EPSTI1: variants seen among roughly 807,000 people sequenced by gnomAD.
EPSTI1 encodes epithelial-stromal interaction protein 1.
A neutral mutation model predicts 49.9 loss-of-function variants in EPSTI1; 66 were observed. The ratio of observed to expected loss-of-function variants is 1.32; its 90% CI spans 1.08 to 1.62. EPSTI1 has a LOEUF of 1.62. EPSTI1 is among the 40% of genes most tolerant of loss of function. The probability of loss-of-function intolerance (pLI) is 0.00; values close to 1 mark genes in which losing one functional copy is unlikely to be tolerated. For missense variants in EPSTI1, 394 were observed against 365.5 expected (o/e 1.08, Z -0.64); for synonymous variants, 137 against 130.7 (o/e 1.05, Z -0.33).
chr13:42,912,845 TAAG>T (rs1347437807), intron 8 of EPSTI1, among the ~76,000 whole-genome samples: 1 of 148,250 alleles, frequency 6.7e-6, no homozygotes, highest in Non-Finnish European at 1.5e-5. Flanking sequence ...GCCAAAGGGA[TAAG>T]AAGTACAAGA....
In EPSTI1 at chr13:42,953,937, C is replaced by T; in HGVS notation, c.563+11G>A. 1.2e-6 allele frequency: 2 copies of T among 1,608,722 alleles called. No homozygotes were observed. The highest frequency in any genetic ancestry group is 2.2e-5 in the South Asian group (2 of 89,988). ...CTATAAAGGCACGAAGTTCTGAAAACATTAACTTACTATTGCTGATGCTCT... is the reference window on the plus strand; with the variant it reads ...CTATAAAGGCACGAAGTTCTGAAAATATTAACTTACTATTGCTGATGCTCT... On this transcript the variant is annotated intron_variant, in intron 6 of 10. Coordinates refer to ENST00000313624, the MANE Select transcript of EPSTI1 (RefSeq NM_033255.5).
At position 42,926,415 on chromosome 13, in the gene EPSTI1, A is replaced by C. The variant is rs1229020732; in HGVS notation, c.578T>G (p.Phe193Cys). 1 of 1,612,542 alleles carries C rather than the reference A, an allele frequency of 6.2e-7. No individual in the cohort carries two copies. ...REHQQYKTAEFLSKLNTESPD... is the reference protein window; with the variant it reads ...REHQQYKTAECLSKLNTESPD... ...CGATTCTGTGTTCAGTTTGCTCAAGAACTCAGCGGTTTTGCTACCAGAAAC... is the reference window on the plus strand; with the variant it reads ...CGATTCTGTGTTCAGTTTGCTCAAGCACTCAGCGGTTTTGCTACCAGAAAC... The change falls in exon 7 of 11, where the codon TTC (phenylalanine) becomes TGC (cysteine). Residue 193 changes from phenylalanine to cysteine, a missense_variant. Phe to Cys is a radical substitution (Grantham distance 205). Transcript: ENST00000313624.
rs1014402418 is a variant in EPSTI1 at position 42,892,236 on chromosome 13, T to C, written c.915+2773A>G. Among the ~76,000 whole-genome samples the C allele has an allele frequency of 9.9e-5, 15 of 152,242 alleles. 1 individual carries two copies. Among genetic ancestry groups the C allele is most frequent in the African/African-American group, 3.6e-4 (15 of 41,548 alleles). On this transcript the variant is annotated intron_variant, in intron 10 of 10. Coordinates refer to ENST00000313624, the MANE Select transcript of EPSTI1 (RefSeq NM_033255.5). ...GGACTTCGGCTTTTACTCCAAGTGA[T>C]TTGGGGGTGGCGAAAGCCATTGGAG...
intron 6 of EPSTI1, among the ~76,000 whole-genome samples, chr13:42,927,220 A>G (rs9315973): frequency 0.78 from 118,313 of 152,024 alleles, 46,229 homozygotes; most frequent in Non-Finnish European, 0.83. Flanking sequence ...CCACCACCCC[A>G]ATTTCCCCTC....
At position 42,906,167 on chromosome 13, in the gene EPSTI1, CAAT is replaced by C. The variant is rs556491393; in HGVS notation, c.742-5787_742-5785del. On this transcript the variant is annotated intron_variant, in intron 8 of 10. Transcript: ENST00000313624. ...CAATAGCTCTGCTTCGAGCCCAGGT[CAAT>C]AATAAGAAGAGGGGTTGCCATTTCC... Among the ~76,000 whole-genome samples the C allele has an allele frequency of 3.9e-4, 60 of 152,214 alleles. 2 individuals are homozygous for C. In the South Asian group the frequency reaches 0.012, roughly 32 times the overall value.
At chr13:42,981,585 T>C (rs1041696977) in intron 1 of EPSTI1, among the ~76,000 whole-genome samples, 10 of 152,196 alleles carry the variant, frequency 6.6e-5, no homozygotes, top group African/African-American at 2.4e-4. Context: ...TGCAGAAAAG[T>C]TGGAAATTCC....
intron 6 of EPSTI1, chr13:42,934,416 A>T (rs149339626): frequency 6.5e-6 from 1 of 154,128 alleles, no homozygotes; most frequent in South Asian, 2.1e-4. Context: ...GCCAGTTATT[A>T]ATACTTTCTC....
At chr13:42,958,371 G>A (rs1439498895) in intron 5 of EPSTI1, among the ~76,000 whole-genome samples, 1 of 152,108 alleles carries the variant, frequency 6.6e-6, no homozygotes, top group East Asian at 1.9e-4. Context: ...GTTGAAAGCA[G>A]ACCACTATAT....
chr13:42,889,166 T>A lies in EPSTI1; in HGVS notation c.916-664A>T, dbSNP rs78219530. 2.4e-3 allele frequency: 3,611 copies of A among 1,487,144 alleles called. 83 individuals are homozygous for A. In the African/African-American group the frequency reaches 0.046, roughly 19 times the overall value. The allele number at this position is 1,487,144 out of a possible 1,614,324, so 92.1% of individuals were successfully genotyped here. On this transcript the variant is annotated intron_variant, in intron 10 of 10. Transcript: ENST00000313624. ...GCATCCCAAAGAGCCTCACCTATTG[T>A]ATCAGAGGAAATATTATTTAAAGGG...
intron 5 of EPSTI1, among the ~76,000 whole-genome samples, chr13:42,957,085 A>G (rs563257412): frequency 5.3e-5 from 8 of 152,332 alleles, no homozygotes; most frequent in Admixed American, 6.5e-5. Context: ...GTCAGCAGGT[A>G]CAGGGAAGAA....
rs777172144 is a variant in EPSTI1 at position 42,919,316 on chromosome 13, G to C, written c.658-1692C>G. The C allele has an allele frequency of 3.1e-6, 5 of 1,613,598 alleles. No homozygotes were observed. In the Admixed American group the frequency reaches 8.3e-5, roughly 27 times the overall value. On this transcript the variant is annotated intron_variant, in intron 7 of 10. Coordinates refer to ENST00000313624, the MANE Select transcript of EPSTI1 (RefSeq NM_033255.5). ...TTTGCTTACCCAGCTGTGATCCCTA[G>C]GCAGGATAGGAAGTTTCTGTTCAAA... is the stretch of plus-strand genomic sequence containing the variant.
chr13:42,923,638 A>G (rs1306142090), intron 7 of EPSTI1, among the ~76,000 whole-genome samples: 1 of 152,246 alleles, frequency 6.6e-6, no homozygotes, highest in East Asian at 1.9e-4. Context: ...AGAAATATGC[A>G]GCGATGGTCG....
intron 10 of EPSTI1, among the ~76,000 whole-genome samples, chr13:42,893,977 G>A (rs574966696): frequency 6.6e-6 from 1 of 152,266 alleles, no homozygotes; most frequent in South Asian, 2.1e-4. Context: ...TCCCTATTCT[G>A]AATGCCAGAG....
At chr13:42,970,871 C>G (rs958451902) in intron 1 of EPSTI1, among the ~76,000 whole-genome samples, 1 of 152,144 alleles carries the variant, frequency 6.6e-6, no homozygotes, top group South Asian at 2.1e-4. Flanking sequence ...AAGGACATGG[C>G]CAAATATGAA....
chr13:42,894,860 T>TCC, intron 10 of EPSTI1, 149 bp downstream of exon 10: 1 of 615,530 alleles, frequency 1.6e-6, no homozygotes, highest in East Asian at 3.2e-5. Flanking sequence ...TTTACAGTAA[T>TCC]CCCCCTGGCT....
At chr13:42,964,197 A>G (rs2153431470) in intron 3 of EPSTI1, 58 bp from the exon 4 acceptor site, 2 of 1,322,532 alleles carry the variant, frequency 1.5e-6, no homozygotes, top group South Asian at 2.5e-5. Context: ...AATGTCAGCC[A>G]TCGAGGACTA....
intron 8 of EPSTI1, among the ~76,000 whole-genome samples, chr13:42,909,822 T>C (rs1793280600): frequency 1.3e-5 from 2 of 152,216 alleles, no homozygotes; most frequent in East Asian, 1.9e-4. Context: ...TCAAAGGATA[T>C]GTAATTACAG....
chr13:42,969,444 T>TC, intron 2 of EPSTI1: 1 of 418,514 alleles, frequency 2.4e-6, no homozygotes, highest in South Asian at 4.3e-5. Flanking sequence ...GAAGTATAGA[T>TC]TTTCCTACCA....
intron 1 of EPSTI1, among the ~76,000 whole-genome samples, chr13:42,989,542 AT>A (rs1287754136): frequency 1.5e-4 from 18 of 121,400 alleles, no homozygotes; most frequent in Non-Finnish European, 2.7e-4. Flanking sequence ...AAACTGTACT[AT>A]TAAAGCACTT....
Sources: allele counts gnomAD v4.1 joint callset (sites outside exome capture counted in the v4.1 genomes callset), GRCh38; gene constraint gnomAD v4.1.1; transcripts MANE v1.5; gene names NCBI Gene and HGNC (gene_info 2026-07-23, HGNC 2026-07-21).